TTL: variants seen among roughly 807,000 people sequenced by gnomAD.
The protein encoded by TTL is tubulin tyrosine ligase.
Under a neutral mutation model 41.1 loss-of-function variants are expected in TTL, and 10 were observed. The observed-to-expected ratio is 0.24, with a 90% CI of 0.15 to 0.41. TTL has a LOEUF of 0.41. Ranked by LOEUF, TTL falls within the 10% of genes least tolerant of loss-of-function variation. TTL has a pLI of 1.00. For synonymous variants in TTL, 175 were observed against 175.5 expected (o/e 1.00, Z 0.02); for missense variants, 367 against 460.4 (o/e 0.80, Z 1.86).
intron 5 of TTL, among the ~76,000 whole-genome samples, chr2:112,518,056 G>A (rs1376151781): frequency 6.6e-6 from 1 of 151,600 alleles, no homozygotes. Flanking sequence ...TGCCTCCCAC[G>A]TTCAAGCGAT....
intron 6 of TTL, among the ~76,000 whole-genome samples, chr2:112,526,418 G>A (rs1301587552): frequency 5.3e-5 from 8 of 152,140 alleles, no homozygotes; most frequent in Non-Finnish European, 1.2e-4. Context: ...ATCTGGTCCT[G>A]GACTTTTTTT....
At chr2:112,486,542 G>A (rs1287985011) in intron 2 of TTL, among the ~76,000 whole-genome samples, 2 of 152,194 alleles carry the variant, frequency 1.3e-5, no homozygotes, top group African/African-American at 4.8e-5. Flanking sequence ...TGGCTGTAAG[G>A]GGTCCCTCAG....
At chr2:112,491,581 T>C (rs917493274) in intron 2 of TTL, among the ~76,000 whole-genome samples, 3 of 152,256 alleles carry the variant, frequency 2.0e-5, no homozygotes, top group Non-Finnish European at 4.4e-5. Flanking sequence ...TACATTTGCA[T>C]CTAAAATGGT....
At position 112,482,565 on chromosome 2, in the gene TTL, G is replaced by T; in HGVS notation, c.157+64G>T. Reference sequence around the variant, plus strand: ...CGGCCCTGCGCGCCTCCCGCGGCCCGTTAGAACCGGCGCTTTTGTTTTTAA... The same window carrying T: ...CGGCCCTGCGCGCCTCCCGCGGCCCTTTAGAACCGGCGCTTTTGTTTTTAA... On this transcript the variant is annotated intron_variant, in intron 1 of 6. Coordinates refer to ENST00000233336, the MANE Select transcript of TTL (RefSeq NM_153712.5). This position sits in a 1 kb window ranked among gnomAD's most constrained non-coding sequence, Gnocchi z 5.3. 2 of 1,486,298 alleles carry T rather than the reference G, an allele frequency of 1.3e-6. No homozygotes were observed. Among genetic ancestry groups the T allele is most frequent in the Non-Finnish European group, 1.8e-6 (2 of 1,113,206 alleles). The allele number at this position is 1,486,298 out of a possible 1,614,324, so 92.1% of individuals were successfully genotyped here.
chr2:112,539,672 CAG>C lies in TTL; in HGVS notation c.*10880_*10881del. The C allele has an allele frequency of 2.0e-5, 3 of 152,216 alleles. No homozygotes were observed. The highest frequency in any genetic ancestry group is 3.9e-4 in the East Asian group (2 of 5,186). 9.4% of individuals were successfully genotyped at this position (152,216 alleles called of 1,614,324 possible). A position where few individuals can be genotyped will look rare whatever the true frequency, so the allele number is the denominator to read the frequency against. Reference sequence around the variant, plus strand: ...TCAACATTGTATTAAATGTTCTAGACAGAGCAATTCGACAAAAGGAAGGAAAG... The same window carrying C: ...TCAACATTGTATTAAATGTTCTAGACAGCAATTCGACAAAAGGAAGGAAAG... On this transcript the variant is annotated 3_prime_UTR_variant, in exon 7 of 7. Transcript: ENST00000233336.
At chr2:112,512,337 A>T (rs907132884) in intron 5 of TTL, among the ~76,000 whole-genome samples, 1 of 149,090 alleles carries the variant, frequency 6.7e-6, no homozygotes, top group Non-Finnish European at 1.5e-5. Context: ...ATCTCGGCTC[A>T]CTGCAAGCTC....
chr2:112,496,851 C>G (rs1206672488), intron 3 of TTL, among the ~76,000 whole-genome samples: 1 of 151,370 alleles, frequency 6.6e-6, no homozygotes, highest in Admixed American at 6.6e-5. Flanking sequence ...GACAGAGTCT[C>G]ACTCTGTCAC....
At position 112,529,780 on chromosome 2, in the gene TTL, C is replaced by T. The variant is rs1682462202; in HGVS notation, c.*985C>T. On this transcript the variant is annotated 3_prime_UTR_variant, in exon 7 of 7. Transcript: ENST00000233336. Reference sequence around the variant, plus strand: ...GCACTTTCTGCAGTAGCTAGAGGGACAGGTTTCCTTCCAGGAAGGATTCGA... The same window carrying T: ...GCACTTTCTGCAGTAGCTAGAGGGATAGGTTTCCTTCCAGGAAGGATTCGA... 9.0e-6 allele frequency: 2 copies of T among 221,594 alleles called. No homozygotes were observed. The highest frequency in any genetic ancestry group is 1.4e-3 in the Middle Eastern group (1 of 710). The allele number at this position is 221,594 out of a possible 1,614,324, so 13.7% of individuals were successfully genotyped here. A position where few individuals can be genotyped will look rare whatever the true frequency, so the allele number is the denominator to read the frequency against.
intron 2 of TTL, among the ~76,000 whole-genome samples, chr2:112,486,658 C>T (rs1037088276): frequency 1.3e-5 from 2 of 152,126 alleles, no homozygotes; most frequent in Non-Finnish European, 2.9e-5. Flanking sequence ...TGTTAGACAA[C>T]GATTAAGATC....
Position 112,513,626 on chromosome 2 carries a change from T to C in TTL, c.876-6656T>C, listed in dbSNP as rs146891593. Among the ~76,000 whole-genome samples, 1,020 of 148,740 alleles carry C rather than the reference T, an allele frequency of 6.9e-3. 8 individuals are homozygous for C. Among genetic ancestry groups the C allele is most frequent in the Non-Finnish European group, 0.011 (739 of 67,390 alleles). On this transcript the variant is annotated intron_variant, in intron 5 of 6. Coordinates refer to ENST00000233336, the MANE Select transcript of TTL (RefSeq NM_153712.5). ...ATACAAGTATAAGTATAAATATTTA[T>C]ACAAGTATGAATATTTATACAAGTA...
chr2:112,497,951 G>T (rs549622074), intron 3 of TTL, among the ~76,000 whole-genome samples: 100 of 152,250 alleles, frequency 6.6e-4, no homozygotes, highest in African/African-American at 2.4e-3. Flanking sequence ...GCCATGTTAC[G>T]GGATATGAGA....
intron 1 of TTL, among the ~76,000 whole-genome samples, chr2:112,484,298 C>G (rs1681179798): frequency 6.7e-6 from 1 of 149,294 alleles, no homozygotes; most frequent in Non-Finnish European, 1.5e-5. Flanking sequence ...GAGTCTCACT[C>G]TGTCGCCCAG....
At chr2:112,501,094 G>T (rs2438849) in intron 3 of TTL, 112 bp from the exon 4 acceptor site, 1 of 952,148 alleles carries the variant, frequency 1.1e-6, no homozygotes, top group Non-Finnish European at 1.5e-6. Context: ...AAAGGTGAGC[G>T]GGACATTGAA....
chr2:112,489,127 TTA>T (rs1180324163), intron 2 of TTL, among the ~76,000 whole-genome samples: 1 of 152,196 alleles, frequency 6.6e-6, no homozygotes, highest in Non-Finnish European at 1.5e-5. Flanking sequence ...AAATAATTTA[TTA>T]TATTTAACTA....
Position 112,525,474 on chromosome 2 carries a change from C to T in TTL, c.1020-3207C>T, listed in dbSNP as rs140956168. ...TGTCCTCTTTTATTTCGTTGAGCAG[C>T]GGTTTGTAGTTCTCCTTGAAGAGGT... On this transcript the variant is annotated intron_variant, in intron 6 of 6. Transcript: ENST00000233336. Among the ~76,000 whole-genome samples, 432 of 152,126 alleles carry T rather than the reference C, an allele frequency of 2.8e-3. 12 individuals carry two copies. In the East Asian group the frequency reaches 0.061, roughly 21 times the overall value.
At chr2:112,521,370 T>C (rs1485412552) in intron 6 of TTL, 3 of 985,102 alleles carry the variant, frequency 3.0e-6, no homozygotes, top group Non-Finnish European at 3.6e-6. Context: ...TGGAAGGCCT[T>C]ACGTGTCAGG....
intron 1 of TTL, chr2:112,483,550 A>G (rs1681153891): frequency 6.6e-6 from 1 of 152,262 alleles, no homozygotes; most frequent in Non-Finnish European, 1.5e-5. Context: ...AGAGAGAGCA[A>G]TGTTCTATGT....
At chr2:112,494,656 C>G in intron 3 of TTL, among the ~76,000 whole-genome samples, 1 of 152,140 alleles carries the variant, frequency 6.6e-6, no homozygotes, top group East Asian at 1.9e-4. Flanking sequence ...CCAACTTTGC[C>G]CACGCCAGCC....
At chr2:112,525,284 G>A (rs1423329349) in intron 6 of TTL, among the ~76,000 whole-genome samples, 53 of 150,128 alleles carry the variant, frequency 3.5e-4, no homozygotes, top group Admixed American at 6.0e-4. Context: ...GCTCTTTTTT[G>A]GTTCCATATG....
Sources: allele counts gnomAD v4.1 joint callset (sites outside exome capture counted in the v4.1 genomes callset), GRCh38; gene constraint gnomAD v4.1.1; non-coding constraint Gnocchi (gnomAD v3.1); transcripts MANE v1.5; gene names NCBI Gene and HGNC (gene_info 2026-07-23, HGNC 2026-07-21).